DDX25: variants seen among roughly 807,000 people sequenced by gnomAD.
DDX25 encodes the protein DEAD-box helicase 25, also known as ATP-dependent RNA helicase DDX25.
A neutral mutation model predicts 64.6 loss-of-function variants in DDX25; 70 were observed. The ratio of observed to expected loss-of-function variants is 1.08; its 90% CI spans 0.89 to 1.32. The LOEUF (loss-of-function observed/expected upper bound fraction) is 1.32. Among genes scored for constraint, DDX25 ranks in the 40% most tolerant of loss-of-function variants. The pLI is 0.00. For synonymous variants in DDX25, 211 were observed against 213.3 expected (o/e 0.99, Z 0.09); for missense variants, 587 against 604.4 (o/e 0.97, Z 0.30).
At position 125,917,105 on chromosome 11, in the gene DDX25, A is replaced by G. The variant is rs770262163; in HGVS notation, c.892A>G (p.Asn298Asp). 6 of 1,610,642 alleles carry G rather than the reference A, an allele frequency of 3.7e-6. No individual in the cohort carries two copies. The highest frequency in any genetic ancestry group is 5.1e-6 in the Non-Finnish European group (6 of 1,178,748). Reference sequence around the variant, plus strand: ...TGCTGAGCGAATCATCCCTGACCCTAATGTTATCAAGTTACGCAAAGAGGA... The same window carrying G: ...TGCTGAGCGAATCATCCCTGACCCTGATGTTATCAAGTTACGCAAAGAGGA... ...HFAERIIPDP[N>D]VIKLRKEELT... Residue 298 changes from asparagine to aspartate, a missense_variant, in exon 9 of 12, where the codon AAT (asparagine) becomes GAT (aspartate). By Grantham distance (23) the Asn-to-Asp change is conservative. Coordinates refer to ENST00000263576, the MANE Select transcript of DDX25 (RefSeq NM_013264.5).
rs1220507253 is a variant in DDX25, at chr11:125,911,391, T to C, written c.703T>C (p.Leu235=). The change falls in exon 8 of 12, where the codon TTG becomes CTG. Residue 235 remains leucine (L), a synonymous_variant. Coordinates refer to ENST00000263576, the MANE Select transcript of DDX25 (RefSeq NM_013264.5). ...TVLDWCFKLK[L]IDLTKIRVFV... is the part of the protein sequence containing the mutation. ...CCTAGATTGGTGTTTTAAACTAAAATTGATTGATTTGACTAAGATTCGTGT... is the reference window on the plus strand; with the variant it reads ...CCTAGATTGGTGTTTTAAACTAAAACTGATTGATTTGACTAAGATTCGTGT... The C allele has an allele frequency of 6.2e-7, 1 of 1,613,894 alleles. No homozygotes were observed. Among genetic ancestry groups the C allele is most frequent in the Non-Finnish European group, 8.5e-7 (1 of 1,179,848 alleles).
chr11:125,916,242 T>A (rs1368687696), intron 8 of DDX25, among the ~76,000 whole-genome samples: 10 of 152,220 alleles, frequency 6.6e-5, no homozygotes, highest in Admixed American at 4.6e-4. Flanking sequence ...TTTATTGATA[T>A]ATGAAATATA....
rs1945165960 is a variant in DDX25 at position 125,926,182 on chromosome 11, G to A, written c.*3301G>A. The A allele has an allele frequency of 6.6e-6, 1 of 152,250 alleles. No individual in the cohort carries two copies. The highest frequency in any genetic ancestry group is 2.4e-5 in the African/African-American group (1 of 41,404). 9.4% of individuals were successfully genotyped at this position (152,250 alleles called of 1,614,324 possible). On this transcript the variant is annotated 3_prime_UTR_variant, in exon 12 of 12. Coordinates refer to ENST00000263576, the MANE Select transcript of DDX25 (RefSeq NM_013264.5). ...CCTGCACTTTGCTCTCTGAACCGGG[G>A]GGCATTACTATGTTCTCACCCACAT...
intron 1 of DDX25, 114 bp from the exon 2 acceptor site, chr11:125,905,098 A>G: frequency 2.3e-6 from 2 of 888,704 alleles, no homozygotes; most frequent in South Asian, 3.1e-5. Context: ...ATTGCAAAGG[A>G]AGCAATACCC....
At chr11:125,913,853 A>G (rs1944998809) in intron 8 of DDX25, among the ~76,000 whole-genome samples, 1 of 86,932 alleles carries the variant, frequency 1.2e-5, no homozygotes, top group Admixed American at 1.3e-4. Context: ...ACACAATCAT[A>G]ACAATCCAAA....
chr11:125,905,159 G>A (rs1944865838), intron 1 of DDX25, 53 bp from the exon 2 acceptor site: 2 of 1,510,996 alleles, frequency 1.3e-6, no homozygotes, highest in Middle Eastern at 1.7e-4. Flanking sequence ...GAAGCACTGG[G>A]CTGCTTGAGG....
upstream of DDX25, chr11:125,904,256 C>G: frequency 5.9e-6 from 2 of 338,480 alleles, no homozygotes. Flanking sequence ...CCCTCCGGTC[C>G]GCGCCCTTTC....
chr11:125,916,219 A>T (rs1189264099), intron 8 of DDX25, among the ~76,000 whole-genome samples: 2 of 152,180 alleles, frequency 1.3e-5, no homozygotes. Flanking sequence ...ATTTTGTTTT[A>T]AAAAGTTAAC....
At chr11:125,910,148 C>T (rs1944947558) in intron 6 of DDX25, among the ~76,000 whole-genome samples, 2 of 152,010 alleles carry the variant, frequency 1.3e-5, no homozygotes, top group African/African-American at 4.8e-5. Context: ...TAAAAGGTAG[C>T]TGTTTCTCCA....
chr11:125,920,980 G>A (rs1223239060), intron 10 of DDX25: 1 of 544,606 alleles, frequency 1.8e-6, no homozygotes, highest in Non-Finnish European at 3.3e-6. Context: ...CATTTCTGTA[G>A]CATTCTCTAT....
At chr11:125,920,017 C>A (rs957862936) in intron 10 of DDX25, among the ~76,000 whole-genome samples, 2 of 152,174 alleles carry the variant, frequency 1.3e-5, no homozygotes, top group African/African-American at 2.4e-5. Context: ...GCACAGAGAG[C>A]TCCAGGTCAA....
At chr11:125,905,099 A>G (rs1247763380) in intron 1 of DDX25, 113 bp from the exon 2 acceptor site, 1 of 898,954 alleles carries the variant, frequency 1.1e-6, no homozygotes, top group Non-Finnish European at 1.8e-6. Context: ...TTGCAAAGGA[A>G]GCAATACCCG....
At chr11:125,908,573 C>T (rs1944927285) in intron 6 of DDX25, 70 bp downstream of exon 6, 2 of 1,345,732 alleles carry the variant, frequency 1.5e-6, no homozygotes, top group Admixed American at 3.4e-5. Flanking sequence ...AGGTGATATT[C>T]CTGTGCAATG....
chr11:125,916,797 G>T lies in DDX25; in HGVS notation c.801-217G>T, dbSNP rs374289209. Among the ~76,000 whole-genome samples the T allele has an allele frequency of 3.3e-5, 5 of 152,126 alleles. No homozygotes were observed. In the East Asian group the frequency reaches 7.7e-4, roughly 23 times the overall value. On this transcript the variant is annotated intron_variant, in intron 8 of 11. Coordinates refer to ENST00000263576, the MANE Select transcript of DDX25 (RefSeq NM_013264.5). ...CCTCCAGAATATATACCTAAACTTT[G>T]CCCTATGCTTCACATTCTGTTTATA...
Position 125,924,854 on chromosome 11 carries a change from GGT to G in DDX25, c.*1976_*1977del. ...GTAACACATGGAACTCCTGCTGCTC[GGT>G]GTCCATCCTGGTTCTCCTTATCCTA... On this transcript the variant is annotated 3_prime_UTR_variant, in exon 12 of 12. Coordinates refer to ENST00000263576, the MANE Select transcript of DDX25 (RefSeq NM_013264.5). 6.6e-6 allele frequency: 1 copy of G among 152,576 alleles called. No individual in the cohort carries two copies. The highest frequency in any genetic ancestry group is 1.9e-4 in the East Asian group (1 of 5,182). The allele number at this position is 152,576 out of a possible 1,614,324, so 9.5% of individuals were successfully genotyped here. A position where few individuals can be genotyped will look rare whatever the true frequency, so the allele number is the denominator to read the frequency against.
rs182364032 is a variant in DDX25, at chr11:125,924,066, A to T, written c.*1185A>T. 1 of 152,304 alleles carries T rather than the reference A, an allele frequency of 6.6e-6. No individual in the cohort carries two copies. The highest frequency in any genetic ancestry group is 2.4e-5 in the African/African-American group (1 of 41,550). The allele number at this position is 152,304 out of a possible 1,614,324, so 9.4% of individuals were successfully genotyped here. A position where few individuals can be genotyped will look rare whatever the true frequency, so the allele number is the denominator to read the frequency against. Reference sequence around the variant, plus strand: ...GCGGATCACGAGGTCAGGAGTTAAGACCAGCCTTACCAACATGGTGAAACC... The same window carrying T: ...GCGGATCACGAGGTCAGGAGTTAAGTCCAGCCTTACCAACATGGTGAAACC... On this transcript the variant is annotated 3_prime_UTR_variant, in exon 12 of 12. Coordinates refer to ENST00000263576, the MANE Select transcript of DDX25 (RefSeq NM_013264.5).
upstream of DDX25, among the ~76,000 whole-genome samples, chr11:125,904,061 T>C (rs563777177): frequency 6.6e-6 from 1 of 152,354 alleles, no homozygotes; most frequent in African/African-American, 2.4e-5. Context: ...GTCTCCACTT[T>C]GCTAACCAAT....
chr11:125,911,446 T>A lies in DDX25; in HGVS notation c.758T>A (p.Ile253Asn). 1 of 1,613,952 alleles carries A rather than the reference T, an allele frequency of 6.2e-7. No individual in the cohort carries two copies. Among genetic ancestry groups the A allele is most frequent in the Non-Finnish European group, 8.5e-7 (1 of 1,179,872 alleles). The change falls in exon 8 of 12, where the codon ATT becomes AAT. Residue 253 changes from isoleucine (I) to asparagine (N), a missense_variant. By Grantham distance (149) the Ile-to-Asn change is moderately radical. Transcript: ENST00000263576. ...GTCCTGGATGAAGCAGATGTGATGA[T>A]TGACACTCAAGGATTCTCAGATCAT... ...VFVLDEADVM[I>N]DTQGFSDHSI...
At chr11:125,906,954 GGCACAGCCAGA>G (rs1944897455) in intron 4 of DDX25, among the ~76,000 whole-genome samples, 1 of 152,046 alleles carries the variant, frequency 6.6e-6, no homozygotes. Context: ...AGCTAAGCTA[GGCACAGCCAGA>G]TTGCCCCTCT....
Sources: gnomAD v4.1 joint callset for allele counts (sites outside exome capture counted in the v4.1 genomes callset) on GRCh38, gnomAD v4.1.1 for gene constraint, MANE v1.5 for transcripts, NCBI Gene and HGNC (gene_info 2026-07-23, HGNC 2026-07-21) for gene names.